The following OR8B2 variants were observed in gnomAD, a reference collection of about 807,000 sequenced individuals.
OR8B2 encodes the protein olfactory receptor 8B2.
For synonymous variants in OR8B2, 98 were observed against 138.2 expected (o/e 0.71, Z 2.04); for missense variants, 304 against 379.6 (o/e 0.80, Z 1.65).
the OR8B2 span, among the ~76,000 whole-genome samples, chr11:124,392,541 G>A: frequency 6.8e-5 from 5 of 73,000 alleles, no homozygotes; most frequent in Non-Finnish European, 1.2e-4. Flanking sequence ...AAATACCTAG[G>A]AATCCACCTT....
upstream of OR8B2, among the ~76,000 whole-genome samples, chr11:124,388,827 CTTT>C (rs145400784): frequency 6.2e-5 from 8 of 129,856 alleles, no homozygotes; most frequent in Admixed American, 7.8e-5. Context: ...GTGTGAAATT[CTTT>C]TTTTTTTTTT....
rs1860622455 is a variant in OR8B2, at chr11:124,382,868, T to C, written c.476A>G (p.His159Arg). ...YIMGLAGATA[H>R]TGCMLRLTFC... ...GGTGAGTCTAAGCATGCACCCGGTGTGGGCCGTGGCTCCAGCCAATCCCAT... is the reference window on the plus strand; with the variant it reads ...GGTGAGTCTAAGCATGCACCCGGTGCGGGCCGTGGCTCCAGCCAATCCCAT... The change falls in exon 2 of 2, where the codon CAC becomes CGC. Residue 159 changes from histidine to arginine, a missense_variant. Transcript: ENST00000641451. The C allele has an allele frequency of 3.1e-6, 5 of 1,602,826 alleles. No homozygotes were observed. The highest frequency in any genetic ancestry group is 4.3e-6 in the Non-Finnish European group (5 of 1,172,196).
the OR8B2 span, chr11:124,396,402 G>A: frequency 1.3e-6 from 2 of 1,582,632 alleles, no homozygotes; most frequent in Non-Finnish European, 1.7e-6. Context: ...CATTATTACT[G>A]CTTCTAATTA....
chr11:124,390,379 G>A, the OR8B2 span, among the ~76,000 whole-genome samples: 2 of 152,114 alleles, frequency 1.3e-5, no homozygotes, highest in Non-Finnish European at 2.9e-5. Flanking sequence ...CAATCTTTTG[G>A]CTTCCCTAGG....
upstream of OR8B2, among the ~76,000 whole-genome samples, chr11:124,385,017 A>C (rs1284531425): frequency 2.0e-5 from 3 of 152,178 alleles, no homozygotes; most frequent in Admixed American, 2.0e-4. Flanking sequence ...TTAGTTTTGC[A>C]TACTTTATAG....
chr11:124,394,123 G>T, the OR8B2 span, among the ~76,000 whole-genome samples: 238 of 102,018 alleles, frequency 2.3e-3, 1 homozygote, highest in African/African-American at 8.6e-3. Context: ...GGGGAGGGGG[G>T]AGGGTTAGCA....
At chr11:124,387,780 T>C (rs2134195438), upstream of OR8B2, among the ~76,000 whole-genome samples, 1 of 148,566 alleles carries the variant, frequency 6.7e-6, no homozygotes, top group East Asian at 2.0e-4. Context: ...AAGTAGTTTT[T>C]TCCAATTCTG....
the OR8B2 span, among the ~76,000 whole-genome samples, chr11:124,394,884 C>T: frequency 4.6e-5 from 7 of 152,106 alleles, no homozygotes; most frequent in African/African-American, 1.7e-4. Flanking sequence ...TAAAGTAATA[C>T]ATTTATTGTT....
At chr11:124,387,434 T>C (rs1376196897), upstream of OR8B2, among the ~76,000 whole-genome samples, 1 of 152,070 alleles carries the variant, frequency 6.6e-6, no homozygotes, top group African/African-American at 2.4e-5. Flanking sequence ...TTAATTTTTG[T>C]ATAAGGTGTA....
the OR8B2 span, chr11:124,396,169 T>A: frequency 2.4e-6 from 1 of 415,768 alleles, no homozygotes; most frequent in Non-Finnish European, 4.2e-6. Flanking sequence ...AAAATGATAA[T>A]GAAAAATATC....
At chr11:124,396,867 C>T in the OR8B2 span, 4 of 1,608,450 alleles carry the variant, frequency 2.5e-6, no homozygotes, top group Admixed American at 1.7e-5. Flanking sequence ...TCTAAGCATG[C>T]ACCCGGTGTG....
chr11:124,385,445 C>T (rs1860682068), upstream of OR8B2, among the ~76,000 whole-genome samples: 1 of 151,482 alleles, frequency 6.6e-6, no homozygotes, highest in African/African-American at 2.4e-5. Context: ...GACATAGGTT[C>T]AATAATGTTA....
chr11:124,385,223 C>T (rs190769335), upstream of OR8B2, among the ~76,000 whole-genome samples: 11 of 152,144 alleles, frequency 7.2e-5, no homozygotes, highest in Non-Finnish European at 1.3e-4. Context: ...ATCATGTGCC[C>T]TCATTTTAAG....
At position 124,382,606 on chromosome 11, in the gene OR8B2, A is replaced by G. The variant is rs1191465367; in HGVS notation, c.738T>C (p.Ile246=). 3 of 1,612,518 alleles carry G rather than the reference A, an allele frequency of 1.9e-6. No individual in the cohort carries two copies. The East Asian group carries it at 6.7e-5, about 36-fold the overall frequency. ...CTGACCCAAAAAACAGAGACAGAGC[A>G]ATGACATGAGAGCTACAAGTACTGA... ...KAFSTCSSHV[I]ALSLFFGSAA... is the part of the protein sequence containing the mutation. Residue 246 remains isoleucine, a synonymous_variant, in exon 2 of 2, where the codon ATT becomes ATC. Coordinates refer to ENST00000641451, the MANE Select transcript of OR8B2 (RefSeq NM_001005468.2).
At chr11:124,387,216 C>T (rs1230715352), upstream of OR8B2, among the ~76,000 whole-genome samples, 3 of 152,230 alleles carry the variant, frequency 2.0e-5, no homozygotes, top group Admixed American at 1.3e-4. Flanking sequence ...GTTGCCTGTT[C>T]ACTCTGATGG....
In OR8B2 at chr11:124,382,635, C is replaced by T; in HGVS notation, c.709G>A (p.Ala237Thr). ...HIKSTQGRSK[A>T]FSTCSSHVIA... ...ACATGAGAGCTACAAGTACTGAAGGCTTTTGATCTTCCTTGAGTGGATTTG... is the reference window on the plus strand; with the variant it reads ...ACATGAGAGCTACAAGTACTGAAGGTTTTTGATCTTCCTTGAGTGGATTTG... Residue 237 changes from alanine (A) to threonine (T), a missense_variant, in exon 2 of 2, where the codon GCC becomes ACC. By Grantham distance (58) the Ala-to-Thr change is moderately conservative (BLOSUM62 0). Transcript: ENST00000641451. The T allele has an allele frequency of 6.2e-7, 1 of 1,611,556 alleles. No individual in the cohort carries two copies. Among genetic ancestry groups the T allele is most frequent in the Admixed American group, 1.7e-5 (1 of 59,614 alleles).
At chr11:124,395,263 C>CA in the OR8B2 span, among the ~76,000 whole-genome samples, 3 of 150,768 alleles carry the variant, frequency 2.0e-5, no homozygotes, top group African/African-American at 4.9e-5. Context: ...GATCCTGTCT[C>CA]AAAAAAAAGA....
chr11:124,388,118 A>G (rs1860729717), upstream of OR8B2, among the ~76,000 whole-genome samples: 2 of 152,182 alleles, frequency 1.3e-5, no homozygotes, highest in African/African-American at 2.4e-5. Flanking sequence ...TTGTATCCTG[A>G]GACTTTGCTG....
upstream of OR8B2, among the ~76,000 whole-genome samples, chr11:124,385,286 G>A (rs751662987): frequency 6.2e-4 from 94 of 152,166 alleles, no homozygotes; most frequent in Non-Finnish European, 1.6e-4. Flanking sequence ...TTGTGAGAAG[G>A]CATCTATATT....
Sources: gnomAD v4.1 joint callset for allele counts (sites outside exome capture counted in the v4.1 genomes callset) on GRCh38, gnomAD v4.1.1 for gene constraint, MANE v1.5 for transcripts, NCBI Gene and HGNC (gene_info 2026-07-23, HGNC 2026-07-21) for gene names.